EFCAB8: variants seen among roughly 807,000 people sequenced by gnomAD.
EFCAB8 encodes the protein EF-hand calcium-binding domain-containing protein 8.
EFCAB8 carries 100 observed loss-of-function variants against 116.3 expected under a neutral mutation model. The ratio of observed to expected loss-of-function variants is 0.86; its 90% CI spans 0.73 to 1.02. The LOEUF (loss-of-function observed/expected upper bound fraction) is 1.02. EFCAB8 is among the 50% of genes least tolerant of loss of function. The pLI, the probability that EFCAB8 is intolerant of heterozygous loss-of-function variation, is 0.00. For missense variants in EFCAB8, 1,320 were observed against 1,416.9 expected (o/e 0.93, Z 1.10); for synonymous variants, 558 against 567.9 (o/e 0.98, Z 0.25).
chr20:32,869,257 G>A (rs1984574149), intron 3 of EFCAB8, among the ~76,000 whole-genome samples: 2 of 149,784 alleles, frequency 1.3e-5, no homozygotes, highest in African/African-American at 4.9e-5. Context: ...TTTTTTTTGA[G>A]ACGGAGTTTC....
intron 5 of EFCAB8, among the ~76,000 whole-genome samples, chr20:32,880,100 G>A (rs1288500600): frequency 2.0e-5 from 3 of 152,250 alleles, no homozygotes; most frequent in South Asian, 2.1e-4. Flanking sequence ...ACAAGGTGTG[G>A]CAGCCTACAT....
intron 13 of EFCAB8, 133 bp from the exon 14 acceptor site, chr20:32,908,142 T>C (rs986763385): frequency 1.3e-6 from 1 of 781,582 alleles, no homozygotes; most frequent in African/African-American, 1.8e-5. Context: ...GCCAACACCA[T>C]GTGTGTGTGT....
At chr20:32,892,418 C>A (rs2146212013) in intron 8 of EFCAB8, 121 bp downstream of exon 8, 2 of 821,946 alleles carry the variant, frequency 2.4e-6, no homozygotes, top group East Asian at 2.7e-5. Flanking sequence ...GGAAATATCT[C>A]CCCACTGGCT....
rs764175235 is a variant in EFCAB8, at chr20:32,875,909, C to G, written c.209-17C>G. ...CTTGTGAGGAAGGGGATGATGCTCT[C>G]TGTTCTCTCTTTGAAGCCCTGGGCA... On this transcript the variant is annotated splice_polypyrimidine_tract_variant and intron_variant, in intron 3 of 26. Transcript: ENST00000400522. 30 of 1,549,690 alleles carry G rather than the reference C, an allele frequency of 1.9e-5. No homozygotes were observed. Among genetic ancestry groups the G allele is most frequent in the Non-Finnish European group, 2.4e-5 (28 of 1,145,288 alleles).
chr20:32,896,222 A>C (rs576680070), intron 9 of EFCAB8, among the ~76,000 whole-genome samples: 1 of 152,284 alleles, frequency 6.6e-6, no homozygotes, highest in East Asian at 1.9e-4. Context: ...TCTGCCATGC[A>C]CTGGCAGGGG....
Position 32,918,415 on chromosome 20 carries a change from T to A in EFCAB8, c.2115T>A (p.Tyr705Ter). The A allele has an allele frequency of 6.4e-7, 1 of 1,551,694 alleles. No homozygotes were observed. The highest frequency in any genetic ancestry group is 1.4e-5 in the African/African-American group (1 of 73,154). ...LAESHRPSRPYVEREKWTYKT... is the reference protein window; with the variant it reads ...LAESHRPSRP Reference sequence around the variant, plus strand: ...AGAGCCACAGGCCCAGCAGACCCTATGTGGAGCGGGAGAAGTGGACATACA... The same window carrying A: ...AGAGCCACAGGCCCAGCAGACCCTAAGTGGAGCGGGAGAAGTGGACATACA... Residue 705 changes from tyrosine to a stop codon, truncating the protein, a stop_gained, in exon 19 of 27, where the codon TAT (tyrosine) becomes TAA (stop). Coordinates refer to ENST00000400522, the MANE Select transcript of EFCAB8 (RefSeq NM_001143967.2). LOFTEE classifies it high-confidence loss of function.
chr20:32,885,478 T>C, intron 5 of EFCAB8, 27 bp from the exon 6 acceptor site: 1 of 1,551,340 alleles, frequency 6.4e-7, no homozygotes, highest in Non-Finnish European at 8.7e-7. Flanking sequence ...TTGCTTGGGC[T>C]CTTCTCTCTT....
At chr20:32,924,434 G>A (rs1435393185) in intron 20 of EFCAB8, among the ~76,000 whole-genome samples, 2 of 151,942 alleles carry the variant, frequency 1.3e-5, no homozygotes, top group African/African-American at 2.4e-5. Flanking sequence ...TATTTATGAG[G>A]GATTTTTATT....
rs970781827 is a variant in EFCAB8, at chr20:32,931,079, C to T, written c.2632-99C>T. 4.9e-5 allele frequency: 52 copies of T among 1,061,266 alleles called. No homozygotes were observed. In the African/African-American group the frequency reaches 7.2e-4, roughly 15 times the overall value. 65.7% of individuals were successfully genotyped at this position (1,061,266 alleles called of 1,614,324 possible). On this transcript the variant is annotated intron_variant, in intron 21 of 26. Transcript: ENST00000400522. ...GATGTAAGTAAGAACTGCCCCCCAC[C>T]CCCACCAAATGAAGAGGAATGGTCT... is the stretch of plus-strand genomic sequence containing the variant.
chr20:32,935,428 G>C (rs1988081538), intron 22 of EFCAB8, among the ~76,000 whole-genome samples: 1 of 151,822 alleles, frequency 6.6e-6, no homozygotes, highest in Non-Finnish European at 1.5e-5. Context: ...CCGAACTCCT[G>C]ACCTCAAGTG....
At chr20:32,896,996 T>G (rs1568916477) in intron 10 of EFCAB8, among the ~76,000 whole-genome samples, 2 of 152,148 alleles carry the variant, frequency 1.3e-5, no homozygotes, top group South Asian at 4.1e-4. Context: ...TCAACCTTCC[T>G]TCTCCCCATC....
At position 32,875,950 on chromosome 20, in the gene EFCAB8, A is replaced by G. The variant is rs1984948627; in HGVS notation, c.233A>G (p.Lys78Arg). 1 of 1,551,828 alleles carries G rather than the reference A, an allele frequency of 6.4e-7. No individual in the cohort carries two copies. Among genetic ancestry groups the G allele is most frequent in the African/African-American group, 1.4e-5 (1 of 73,052 alleles). Residue 78 changes from lysine to arginine, a missense_variant, in exon 4 of 27, where the codon AAG (lysine) becomes AGG (arginine). Lys to Arg is a conservative substitution (Grantham distance 26, BLOSUM62 2). Transcript: ENST00000400522. ...GCCCTGGGCATGGACGCCTTCATCAAGGCCATGAAGAAGGTTCTGAGCAGT... is the reference window on the plus strand; with the variant it reads ...GCCCTGGGCATGGACGCCTTCATCAGGGCCATGAAGAAGGTTCTGAGCAGT... ...TGALGMDAFI[K>R]AMKKVLSSVS...
intron 2 of EFCAB8, among the ~76,000 whole-genome samples, chr20:32,864,293 G>A (rs1984276392): frequency 6.6e-6 from 1 of 151,614 alleles, no homozygotes; most frequent in Non-Finnish European, 1.5e-5. Flanking sequence ...CTTTTAAAGG[G>A]CTGCCTGAGA....
chr20:32,908,561 C>T (rs1002906350), intron 14 of EFCAB8, 149 bp downstream of exon 14: 5 of 872,728 alleles, frequency 5.7e-6, no homozygotes, highest in Middle Eastern at 3.8e-4. Context: ...TGTGAGGGGC[C>T]GTGTCTTGGG....
intron 5 of EFCAB8, among the ~76,000 whole-genome samples, chr20:32,884,101 CAAG>C (rs1985486059): frequency 6.6e-6 from 1 of 152,190 alleles, no homozygotes; most frequent in Admixed American, 6.5e-5. Context: ...AACAGAATGT[CAAG>C]AGGCTTGTTC....
intron 17 of EFCAB8, among the ~76,000 whole-genome samples, chr20:32,914,900 A>ATTT (rs34379554): frequency 1.3e-4 from 20 of 149,448 alleles, no homozygotes; most frequent in African/African-American, 4.9e-4. Context: ...TTCTGCTTCC[A>ATTT]TTTTTTTTTT....
chr20:32,904,771 C>G lies in EFCAB8; in HGVS notation c.1089-1791C>G, dbSNP rs1244003743. On this transcript the variant is annotated intron_variant, in intron 11 of 26. Coordinates refer to ENST00000400522, the MANE Select transcript of EFCAB8 (RefSeq NM_001143967.2). ...CCTCCTGAGTAGCTGGGATTACAGG[C>G]ACATACCACTATGCCTGGCTAATTT... Among the ~76,000 whole-genome samples the G allele has an allele frequency of 1.3e-5, 2 of 151,930 alleles. 1 individual carries two copies. Among genetic ancestry groups the G allele is most frequent in the East Asian group, 3.9e-4 (2 of 5,168 alleles).
At chr20:32,922,211 C>G (rs1987490936) in intron 20 of EFCAB8, among the ~76,000 whole-genome samples, 1 of 152,200 alleles carries the variant, frequency 6.6e-6, no homozygotes, top group Non-Finnish European at 1.5e-5. Flanking sequence ...ATGAATAGGT[C>G]TGTGGGTTAG....
chr20:32,911,574 T>G lies in EFCAB8; in HGVS notation c.1652T>G (p.Val551Gly). The change falls in exon 16 of 27, where the codon GTG (valine) becomes GGG (glycine). Residue 551 changes from valine (V) to glycine (G), a missense_variant. Transcript: ENST00000400522. Reference sequence around the variant, plus strand: ...TTTGCTGTGTCTGGGGGCCAGCACGTGGAGATGACCGCCATGGCCCTGGAT... The same window carrying G: ...TTTGCTGTGTCTGGGGGCCAGCACGGGGAGATGACCGCCATGGCCCTGGAT... Reference protein sequence around the residue: ...MEFAVSGGQHVEMTAMALDES... With the variant: ...MEFAVSGGQHGEMTAMALDES... 6.5e-7 allele frequency: 1 copy of G among 1,547,102 alleles called. No individual in the cohort carries two copies. The highest frequency in any genetic ancestry group is 8.7e-7 in the Non-Finnish European group (1 of 1,143,608).
Sources: gnomAD v4.1 joint callset for allele counts (sites outside exome capture counted in the v4.1 genomes callset) on GRCh38, gnomAD v4.1.1 for gene constraint, MANE v1.5 for transcripts, NCBI Gene and HGNC (gene_info 2026-07-23, HGNC 2026-07-21) for gene names.